Variants in GON4L observed in about 807,000 individuals in gnomAD.
GON4L encodes the protein gon-4 like, also known as GON-4-like protein.
In GON4L, 87 loss-of-function variants were observed where a neutral mutation model predicts 211.8. That is an observed-to-expected ratio of 0.41 (90% CI 0.35 to 0.49). GON4L has a LOEUF of 0.49. GON4L is among the 20% of genes least tolerant of loss of function. The probability of loss-of-function intolerance (pLI) is 0.15; values close to 1 mark genes in which losing one functional copy is unlikely to be tolerated. For synonymous variants in GON4L, 875 were observed against 962.6 expected (o/e 0.91, Z 1.68); for missense variants, 2,155 against 2,659.5 (o/e 0.81, Z 4.17).
At chr1:155,778,617 C>T (rs751932741) in intron 14 of GON4L, among the ~76,000 whole-genome samples, 3 of 152,136 alleles carry the variant, frequency 2.0e-5, no homozygotes, top group Non-Finnish European at 4.4e-5. Flanking sequence ...CACAGGTAAA[C>T]GTGCACCTTG....
chr1:155,806,719 A>G (rs1261386523), intron 10 of GON4L, among the ~76,000 whole-genome samples: 1 of 152,104 alleles, frequency 6.6e-6, no homozygotes, highest in Non-Finnish European at 1.5e-5. Flanking sequence ...TTTTTCACCC[A>G]ATAATATCCC....
At position 155,795,153 on chromosome 1, in the gene GON4L, TA is replaced by T; in HGVS notation, c.1646-3del. 6.4e-7 allele frequency: 1 copy of T among 1,555,998 alleles called. No homozygotes were observed. The highest frequency in any genetic ancestry group is 8.9e-7 in the Non-Finnish European group (1 of 1,127,140). On this transcript the variant is annotated splice_region_variant and splice_polypyrimidine_tract_variant and intron_variant, in intron 11 of 31. Coordinates refer to ENST00000368331, the MANE Select transcript of GON4L (RefSeq NM_001282860.2). The stretch of plus-strand genomic sequence containing the variant: ...GATCATCATCATCATCTGCTTCATC[TA>T]GGAAAAAAAAGTGTTTCAGATGCTC...
Position 155,821,542 on chromosome 1 carries a change from T to C in GON4L, c.895A>G (p.Ile299Val), listed in dbSNP as rs777146529. 3.1e-6 allele frequency: 5 copies of C among 1,595,190 alleles called. No homozygotes were observed. Among genetic ancestry groups the C allele is most frequent in the Non-Finnish European group, 4.3e-6 (5 of 1,163,068 alleles). ...ATAGCTACCACGTGTTCATTTGTGATTACTTCCTGGAGAAAGATGAAATTT... is the reference window on the plus strand; with the variant it reads ...ATAGCTACCACGTGTTCATTTGTGACTACTTCCTGGAGAAAGATGAAATTT... The part of the protein sequence containing the change: ...VNVRNILHEV[I>V]TNEHVVAMMK... The change falls in exon 5 of 32, where the codon ATC becomes GTC. Residue 299 changes from isoleucine to valine, a missense_variant. Ile to Val is a conservative substitution (Grantham distance 29). Coordinates refer to ENST00000368331, the MANE Select transcript of GON4L (RefSeq NM_001282860.2).
chr1:155,835,931 C>T (rs899443441), intron 2 of GON4L, among the ~76,000 whole-genome samples: 2 of 152,158 alleles, frequency 1.3e-5, no homozygotes, highest in Admixed American at 1.3e-4. Context: ...TGAGGGAGAC[C>T]TTTAGCCAGA....
chr1:155,771,340 C>T (rs972358093), intron 18 of GON4L, 123 bp from the exon 19 acceptor site: 5 of 1,343,576 alleles, frequency 3.7e-6, no homozygotes, highest in Non-Finnish European at 5.2e-6. Context: ...CTCACGCTGT[C>T]ACCCAGGCTG....
chr1:155,776,230 G>A (rs1306016775), intron 16 of GON4L, among the ~76,000 whole-genome samples, 165 bp downstream of exon 16: 1 of 152,110 alleles, frequency 6.6e-6, no homozygotes, highest in Non-Finnish European at 1.5e-5. Context: ...AGTGGCTTAC[G>A]TTCTCTCAGC....
chr1:155,774,879 A>G, intron 17 of GON4L, 123 bp downstream of exon 17: 1 of 1,040,512 alleles, frequency 9.6e-7, no homozygotes. Context: ...AGAGAGAAGG[A>G]AGAAATTACA....
intron 14 of GON4L, among the ~76,000 whole-genome samples, chr1:155,781,831 A>G (rs894453945): frequency 5.9e-5 from 9 of 151,886 alleles, no homozygotes. Flanking sequence ...ATCTCAGCTC[A>G]GTGCAACCTC....
chr1:155,823,219 G>A (rs765124933), intron 3 of GON4L, among the ~76,000 whole-genome samples: 3 of 152,172 alleles, frequency 2.0e-5, no homozygotes, highest in South Asian at 4.1e-4. Context: ...GTGAGCCACC[G>A]TACCTGGCCC....
chr1:155,828,807 CA>C (rs34551835), intron 2 of GON4L, among the ~76,000 whole-genome samples: 845 of 72,776 alleles, frequency 0.012, 6 homozygotes, highest in African/African-American at 0.035. Context: ...GACTCTGTCT[CA>C]AAAAAAAAAA....
intron 2 of GON4L, among the ~76,000 whole-genome samples, chr1:155,828,835 A>G (rs1669471206): frequency 6.6e-6 from 1 of 151,682 alleles, no homozygotes; most frequent in Non-Finnish European, 1.5e-5. Context: ...AAAATGGTAA[A>G]CATCAGAAAT....
chr1:155,844,919 A>T (rs1671088946), intron 2 of GON4L, among the ~76,000 whole-genome samples: 1 of 152,140 alleles, frequency 6.6e-6, no homozygotes, highest in Non-Finnish European at 1.5e-5. Context: ...AACAATTTCC[A>T]TGTGAAGATA....
chr1:155,762,308 C>T lies in GON4L; in HGVS notation c.4793G>A (p.Arg1598Gln), dbSNP rs771620013. ...GGAGGTGTCCTTGCTGGCCCGAGCC[C>T]GACTTCCCCGCTTGTTGCGAGCTCG... ...NHRARNKRGSRARASKDTSKL... is the reference protein window; with the variant it reads ...NHRARNKRGSQARASKDTSKL... Residue 1598 changes from arginine (R) to glutamine (Q), a missense_variant, in exon 23 of 32, where the codon CGG becomes CAG. Arg to Gln is a conservative substitution (Grantham distance 43). Transcript: ENST00000368331. The T allele has an allele frequency of 8.7e-6, 14 of 1,613,614 alleles. No homozygotes were observed. In the South Asian group the frequency reaches 8.8e-5, roughly 10 times the overall value.
intron 2 of GON4L, among the ~76,000 whole-genome samples, chr1:155,842,194 A>G (rs577702117): frequency 1.6e-4 from 24 of 152,228 alleles, no homozygotes; most frequent in Non-Finnish European, 3.4e-4. Flanking sequence ...CCACAAAGGA[A>G]AAGATTGTTC....
chr1:155,833,465 G>T (rs1029580835), intron 2 of GON4L, among the ~76,000 whole-genome samples: 4 of 151,070 alleles, frequency 2.6e-5, no homozygotes, highest in Admixed American at 6.6e-5. Flanking sequence ...CTGGCTACGG[G>T]GAAACCCCAT....
At chr1:155,798,176 T>A (rs1005030121) in intron 11 of GON4L, among the ~76,000 whole-genome samples, 2 of 149,952 alleles carry the variant, frequency 1.3e-5, no homozygotes, top group African/African-American at 4.9e-5. Flanking sequence ...CACTGAAAAA[T>A]CTGTGCTGAT....
intron 2 of GON4L, among the ~76,000 whole-genome samples, chr1:155,851,585 G>A (rs1320972507): frequency 2.0e-5 from 3 of 148,578 alleles, no homozygotes; most frequent in African/African-American, 5.0e-5. Flanking sequence ...GCACGGTGGC[G>A]GGCGCCTGTA....
At position 155,791,595 on chromosome 1, in the gene GON4L, G is replaced by A. The variant is rs187720427; in HGVS notation, c.1747+3455C>T. ...AAAGACAAATAGGAGGCCGGGCACA[G>A]TGCGGCTCATGACTGTAATCCCAAC... On this transcript the variant is annotated intron_variant, in intron 12 of 31. Transcript: ENST00000368331. 1.8e-3 allele frequency among the ~76,000 whole-genome samples: 275 copies of A among 151,738 alleles called. 2 individuals carry two copies. Among genetic ancestry groups the A allele is most frequent in the Admixed American group, 7.8e-3 (119 of 15,192 alleles).
chr1:155,850,541 T>G (rs1300048613), intron 2 of GON4L, among the ~76,000 whole-genome samples: 1 of 152,216 alleles, frequency 6.6e-6, no homozygotes, highest in Non-Finnish European at 1.5e-5. Flanking sequence ...AGAGAGGGCG[T>G]GACCAACACA....
Sources: gnomAD v4.1 joint callset for allele counts (sites outside exome capture counted in the v4.1 genomes callset) on GRCh38, gnomAD v4.1.1 for gene constraint, MANE v1.5 for transcripts, NCBI Gene and HGNC (gene_info 2026-07-23, HGNC 2026-07-21) for gene names.